Variants in SMAP1 observed in about 807,000 individuals in gnomAD.
SMAP1 encodes stromal membrane-associated protein 1.
A neutral mutation model predicts 58.5 loss-of-function variants in SMAP1; 24 were observed. The observed-to-expected ratio is 0.41, with a 90% CI of 0.30 to 0.58. SMAP1 has a LOEUF of 0.58. SMAP1 is among the 20% of genes least tolerant of loss of function. SMAP1 has a pLI of 0.29. For synonymous variants in SMAP1, 216 were observed against 196.6 expected (o/e 1.10, Z -0.82); for missense variants, 563 against 566.3 (o/e 0.99, Z 0.06).
chr6:70,672,882 A>G (rs1350881952), intron 1 of SMAP1, among the ~76,000 whole-genome samples: 2 of 151,942 alleles, frequency 1.3e-5, no homozygotes, highest in African/African-American at 4.8e-5. Context: ...GCACACACAC[A>G]TGTACCAGTA....
chr6:70,738,393 A>AT (rs900240011), intron 2 of SMAP1, among the ~76,000 whole-genome samples: 95 of 149,728 alleles, frequency 6.3e-4, no homozygotes, highest in East Asian at 1.4e-3. Flanking sequence ...TGTAAGACAG[A>AT]TTTTTTTTTC....
At chr6:70,753,419 G>C (rs573416208) in intron 2 of SMAP1, among the ~76,000 whole-genome samples, 3 of 152,000 alleles carry the variant, frequency 2.0e-5, no homozygotes, top group Non-Finnish European at 4.4e-5. Flanking sequence ...TTTTTACTTG[G>C]TCTAGTTCTT....
chr6:70,849,867 C>G (rs1390412896), intron 7 of SMAP1, among the ~76,000 whole-genome samples: 1 of 152,092 alleles, frequency 6.6e-6, no homozygotes, highest in Non-Finnish European at 1.5e-5. Flanking sequence ...TGGTTTGAAT[C>G]TTTTACAAGA....
intron 1 of SMAP1, among the ~76,000 whole-genome samples, chr6:70,705,248 T>C (rs1471033390): frequency 6.6e-6 from 1 of 150,800 alleles, no homozygotes; most frequent in Non-Finnish European, 1.5e-5. Context: ...TTCAGTTCAT[T>C]ATGATTTTTT....
chr6:70,834,978 A>C (rs531687960), intron 6 of SMAP1, among the ~76,000 whole-genome samples: 5 of 152,148 alleles, frequency 3.3e-5, no homozygotes, highest in Admixed American at 3.3e-4. Flanking sequence ...GGCCGGGCGC[A>C]GTGGCTCACG....
chr6:70,677,920 G>C (rs4707843), intron 1 of SMAP1, among the ~76,000 whole-genome samples: 36,474 of 152,008 alleles, frequency 0.24, 5,435 homozygotes, highest in Non-Finnish European at 0.33. Context: ...TTCTACCTCA[G>C]ATGTTAGGTA....
chr6:70,854,062 C>T (rs1383710820), intron 8 of SMAP1, among the ~76,000 whole-genome samples: 2 of 152,190 alleles, frequency 1.3e-5, no homozygotes, highest in Non-Finnish European at 2.9e-5. Context: ...ACAATGCAGA[C>T]TTCGTTTAAT....
At chr6:70,697,309 C>CTT (rs1225213485) in intron 1 of SMAP1, among the ~76,000 whole-genome samples, 2 of 142,540 alleles carry the variant, frequency 1.4e-5, no homozygotes, top group East Asian at 2.0e-4. Flanking sequence ...TCCTTTATTC[C>CTT]TTTTTTTTTT....
intron 4 of SMAP1, among the ~76,000 whole-genome samples, chr6:70,782,281 A>G (rs1472279368): frequency 2.0e-5 from 3 of 152,220 alleles, no homozygotes. Context: ...CAAGCCAATG[A>G]ACTTTCAAAG....
chr6:70,831,629 T>C (rs551354138), intron 6 of SMAP1, among the ~76,000 whole-genome samples: 1 of 152,304 alleles, frequency 6.6e-6, no homozygotes, highest in South Asian at 2.1e-4. Flanking sequence ...TAGTATTCCT[T>C]GTGTATATGT....
At chr6:70,723,991 G>A (rs535465505) in intron 1 of SMAP1, among the ~76,000 whole-genome samples, 1 of 151,920 alleles carries the variant, frequency 6.6e-6, no homozygotes, top group South Asian at 2.1e-4. Flanking sequence ...AAAAAAGATT[G>A]CAATGAGTTA....
chr6:70,813,043 T>C (rs539916174), intron 6 of SMAP1, among the ~76,000 whole-genome samples: 1 of 152,318 alleles, frequency 6.6e-6, no homozygotes, highest in African/African-American at 2.4e-5. Flanking sequence ...TACATCTTAC[T>C]GCCTGGAGTC....
chr6:70,686,526 G>C (rs1000405103), intron 1 of SMAP1, among the ~76,000 whole-genome samples: 3 of 152,140 alleles, frequency 2.0e-5, no homozygotes, highest in Admixed American at 6.5e-5. Flanking sequence ...AACTGATACA[G>C]TTGACAAAAA....
intron 7 of SMAP1, among the ~76,000 whole-genome samples, chr6:70,845,122 T>A (rs1562199523): frequency 6.6e-6 from 1 of 152,254 alleles, no homozygotes; most frequent in Non-Finnish European, 1.5e-5. Flanking sequence ...TTTGCCACAT[T>A]CTTATCTGCC....
At chr6:70,858,332 CAGAA>C (rs1771533993) in intron 10 of SMAP1, 103 bp downstream of exon 10, 2 of 1,034,516 alleles carry the variant, frequency 1.9e-6, no homozygotes, top group Non-Finnish European at 1.3e-6. Flanking sequence ...AGTGATCTGG[CAGAA>C]AGAATTCAAT....
At chr6:70,720,860 T>A (rs770141497) in intron 1 of SMAP1, among the ~76,000 whole-genome samples, 16 of 152,046 alleles carry the variant, frequency 1.1e-4, no homozygotes, top group Non-Finnish European at 1.8e-4. Flanking sequence ...TTTTTCCTCC[T>A]GGGCCTCCGC....
intron 6 of SMAP1, among the ~76,000 whole-genome samples, chr6:70,831,866 A>G (rs568998235): frequency 4.0e-4 from 61 of 152,310 alleles, no homozygotes; most frequent in Non-Finnish European, 7.4e-4. Context: ...TGACTGGACT[A>G]ATTTACATTC....
At chr6:70,787,706 T>G (rs372627117) in intron 4 of SMAP1, among the ~76,000 whole-genome samples, 44 of 151,734 alleles carry the variant, frequency 2.9e-4, no homozygotes, top group Non-Finnish European at 7.4e-5. Context: ...AAAATGCTCA[T>G]CATCACTGGC....
intron 3 of SMAP1, among the ~76,000 whole-genome samples, chr6:70,765,316 C>A (rs531170157): frequency 1.3e-5 from 2 of 152,212 alleles, no homozygotes; most frequent in East Asian, 3.9e-4. Context: ...ACCGGTTTTA[C>A]CCTAGGCTAG....
Sources: gnomAD v4.1 joint callset for allele counts (sites outside exome capture counted in the v4.1 genomes callset) on GRCh38, gnomAD v4.1.1 for gene constraint, MANE v1.5 for transcripts, NCBI Gene and HGNC (gene_info 2026-07-23, HGNC 2026-07-21) for gene names.